Variants in IGFBP5 observed in about 807,000 individuals in gnomAD.
IGFBP5 encodes insulin-like growth factor-binding protein 5.
In IGFBP5, 12 loss-of-function variants were observed where a neutral mutation model predicts 28.0. The observed-to-expected ratio is 0.43, with a 90% CI of 0.27 to 0.69. IGFBP5 has a LOEUF of 0.69. IGFBP5 is among the 30% of genes least tolerant of loss of function. The probability of loss-of-function intolerance (pLI) is 0.20; values close to 1 mark genes in which losing one functional copy is unlikely to be tolerated. For missense variants in IGFBP5, 344 were observed against 381.6 expected, an observed-to-expected ratio of 0.90 and a Z score of 0.82; for synonymous variants, 152 against 150.2, an observed-to-expected ratio of 1.01 and a Z score of -0.09.
chr2:216,677,511 C>T (rs1473499845), intron 3 of IGFBP5, among the ~76,000 whole-genome samples: 1 of 152,196 alleles, frequency 6.6e-6, no homozygotes, highest in Non-Finnish European at 1.5e-5. Context: ...TGGTGAGTAA[C>T]AGGACACAGC....
At chr2:216,693,686 C>G (rs1400334543) in intron 1 of IGFBP5, among the ~76,000 whole-genome samples, 1 of 152,096 alleles carries the variant, frequency 6.6e-6, no homozygotes, top group Non-Finnish European at 1.5e-5. Context: ...TTCCCCACCC[C>G]CACCCCGCAC....
intron 1 of IGFBP5, among the ~76,000 whole-genome samples, chr2:216,681,042 A>T (rs1688972378): frequency 6.6e-6 from 1 of 152,134 alleles, no homozygotes; most frequent in African/African-American, 2.4e-5. Flanking sequence ...TGAGATTGGC[A>T]GGAGGAAGGG....
rs78857496 is a variant in IGFBP5 at position 216,679,129 on chromosome 2, C to T, written c.338-50G>A. The stretch of plus-strand genomic sequence containing the variant: ...CAGCCCCCGTGGGCCAAGGTGCACA[C>T]GGCCAGAGCCCAGGGCTGGGCAGTT... On this transcript the variant is annotated intron_variant, in intron 1 of 3. Coordinates refer to ENST00000233813, the MANE Select transcript of IGFBP5 (RefSeq NM_000599.4). This position sits in a 1 kb window ranked among gnomAD's most constrained non-coding sequence, Gnocchi z 4.6. The T allele has an allele frequency of 2.6e-4, 389 of 1,500,294 alleles. No homozygotes were observed. The African/African-American group carries it at 4.1e-3, about 16-fold the overall frequency. The allele number at this position is 1,500,294 out of a possible 1,614,324, so 92.9% of individuals were successfully genotyped here. A position where few individuals can be genotyped will look rare whatever the true frequency, so the allele number is the denominator to read the frequency against.
At chr2:216,690,393 C>G (rs1320426877) in intron 1 of IGFBP5, among the ~76,000 whole-genome samples, 1 of 152,198 alleles carries the variant, frequency 6.6e-6, no homozygotes, top group East Asian at 1.9e-4. Context: ...GTGGTGATCT[C>G]TTCTCCAGAG....
intron 1 of IGFBP5, among the ~76,000 whole-genome samples, chr2:216,690,782 G>GA (rs1181815613): frequency 6.6e-6 from 1 of 151,580 alleles, no homozygotes; most frequent in African/African-American, 2.4e-5. Context: ...GGAGGGGTGA[G>GA]AAAGGGGAAA....
chr2:216,693,025 A>G (rs1166790058), intron 1 of IGFBP5, among the ~76,000 whole-genome samples: 1 of 152,154 alleles, frequency 6.6e-6, no homozygotes, highest in South Asian at 2.1e-4. Context: ...TTGCCCCCGT[A>G]ACTAAACTGT....
Position 216,694,892 on chromosome 2 carries a change from TG to T in IGFBP5, c.-118del. On this transcript the variant is annotated 5_prime_UTR_variant, in exon 1 of 4. Transcript: ENST00000233813. This position sits in a 1 kb window ranked among gnomAD's most constrained non-coding sequence, Gnocchi z 5.2. ...GTTTTTGTTTTTGTTTTAAAATTTC[TG>T]GCAGGTAGAGCAGGTGCCCTCCCCC... is the stretch of plus-strand genomic sequence containing the variant. The T allele has an allele frequency of 1.4e-6, 1 of 731,970 alleles. No homozygotes were observed. The highest frequency in any genetic ancestry group is 1.9e-6 in the Non-Finnish European group (1 of 516,802). The allele number at this position is 731,970 out of a possible 1,614,324, so 45.3% of individuals were successfully genotyped here. A position where few individuals can be genotyped will look rare whatever the true frequency, so the allele number is the denominator to read the frequency against.
At chr2:216,678,303 C>T in intron 2 of IGFBP5, 72 bp from the exon 3 acceptor site, 1 of 1,416,200 alleles carries the variant, frequency 7.1e-7, no homozygotes, top group Non-Finnish European at 9.3e-7. Context: ...ACGAATGGCC[C>T]AGGGGGTGGG....
intron 1 of IGFBP5, among the ~76,000 whole-genome samples, chr2:216,680,909 A>C (rs1688971051): frequency 6.6e-6 from 1 of 152,138 alleles, no homozygotes. Flanking sequence ...CTGCTCTATC[A>C]GACCCTGCTG....
At chr2:216,689,047 T>C (rs1157854227) in intron 1 of IGFBP5, among the ~76,000 whole-genome samples, 2 of 152,204 alleles carry the variant, frequency 1.3e-5, no homozygotes, top group African/African-American at 4.8e-5. Context: ...TGGTGGTATA[T>C]GGTTTTCCTT....
At position 216,673,303 on chromosome 2, in the gene IGFBP5, A is replaced by T. The variant is rs1360613370; in HGVS notation, c.*3448T>A. 1 of 152,770 alleles carries T rather than the reference A, an allele frequency of 6.5e-6. No homozygotes were observed. 9.5% of individuals were successfully genotyped at this position (152,770 alleles called of 1,614,324 possible). ...GGTGGGAGAGAAGGGGCATGATCAGAAAAGGGCCTCCCTGGACCTCGTGCG... is the reference window on the plus strand; with the variant it reads ...GGTGGGAGAGAAGGGGCATGATCAGTAAAGGGCCTCCCTGGACCTCGTGCG... On this transcript the variant is annotated 3_prime_UTR_variant, in exon 4 of 4. Transcript: ENST00000233813. The surrounding 1 kb of genome is among the most constrained non-coding windows in gnomAD (Gnocchi z 4.3).
chr2:216,689,156 T>TCAG (rs1336498399), intron 1 of IGFBP5, among the ~76,000 whole-genome samples: 8 of 152,170 alleles, frequency 5.3e-5, no homozygotes, highest in African/African-American at 1.9e-4. Context: ...GTGAGGACTG[T>TCAG]GCTGTTGGAA....
Position 216,672,402 on chromosome 2 carries a change from T to C in IGFBP5, c.*4349A>G, listed in dbSNP as rs1373666408. The C allele has an allele frequency of 6.6e-6, 1 of 151,342 alleles. No homozygotes were observed. The highest frequency in any genetic ancestry group is 1.9e-4 in the East Asian group (1 of 5,180). 9.4% of individuals were successfully genotyped at this position (151,342 alleles called of 1,614,324 possible). A position where few individuals can be genotyped will look rare whatever the true frequency, so the allele number is the denominator to read the frequency against. The stretch of plus-strand genomic sequence containing the variant: ...TTTTCACCAGTAAAGATTATCATCG[T>C]TTATTTTTGTTTTTAAAGTTGAAAA... On this transcript the variant is annotated 3_prime_UTR_variant, in exon 4 of 4. Coordinates refer to ENST00000233813, the MANE Select transcript of IGFBP5 (RefSeq NM_000599.4).
rs1227632466 is a variant in IGFBP5 at position 216,692,476 on chromosome 2, T to C, written c.337+1963A>G. Among the ~76,000 whole-genome samples the C allele has an allele frequency of 6.6e-6, 1 of 151,716 alleles. No homozygotes were observed. Among genetic ancestry groups the C allele is most frequent in the African/African-American group, 2.4e-5 (1 of 41,312 alleles). On this transcript the variant is annotated intron_variant, in intron 1 of 3. Coordinates refer to ENST00000233813, the MANE Select transcript of IGFBP5 (RefSeq NM_000599.4). This position sits in a 1 kb window ranked among gnomAD's most constrained non-coding sequence, Gnocchi z 4.2. ...GTGTACACCCTTCACACTAGCCACA[T>C]CACACTACACGCTTGGTAAATAATA...
chr2:216,684,234 G>A (rs1689010438), intron 1 of IGFBP5, among the ~76,000 whole-genome samples: 1 of 152,190 alleles, frequency 6.6e-6, no homozygotes. Context: ...AGTCTGAAGG[G>A]TTCTGACTCC....
rs1212199361 is a variant in IGFBP5, at chr2:216,694,626, C to T, written c.150G>A (p.Glu50=). The T allele has an allele frequency of 1.3e-6, 2 of 1,536,234 alleles. No homozygotes were observed. Among genetic ancestry groups the T allele is most frequent in the South Asian group, 2.5e-5 (2 of 81,148 alleles). The change falls in exon 1 of 4, where the codon GAG becomes GAA. Residue 50 remains glutamate (E), a synonymous_variant. Coordinates refer to ENST00000233813, the MANE Select transcript of IGFBP5 (RefSeq NM_000599.4). This position sits in a 1 kb window ranked among gnomAD's most constrained non-coding sequence, Gnocchi z 5.2. The stretch of plus-strand genomic sequence containing the variant: ...AGGTCATGCAGCAGCCGCAGCCCGG[C>T]TCCTTGACCAGCTCGCAGCCCAGGG... ...PSPLGCELVK[E]PGCGCCMTCA...
rs569626795 is a variant in IGFBP5 at position 216,677,077 on chromosome 2, C to A, written c.688-195G>T. Among the ~76,000 whole-genome samples, 4 of 152,090 alleles carry A rather than the reference C, an allele frequency of 2.6e-5. No homozygotes were observed. In the East Asian group the frequency reaches 7.7e-4, roughly 29 times the overall value. The stretch of plus-strand genomic sequence containing the variant: ...GAAAATGTGAATTTAGGCAGCCTAC[C>A]CTTGGCAAGCTCCTTCAATCCCTTT... On this transcript the variant is annotated intron_variant, in intron 3 of 3. Coordinates refer to ENST00000233813, the MANE Select transcript of IGFBP5 (RefSeq NM_000599.4).
chr2:216,694,413 C>A lies in IGFBP5; in HGVS notation c.337+26G>T. On this transcript the variant is annotated intron_variant, in intron 1 of 3. Coordinates refer to ENST00000233813, the MANE Select transcript of IGFBP5 (RefSeq NM_000599.4). The surrounding 1 kb of genome is among the most constrained non-coding windows in gnomAD (Gnocchi z 5.2). ...TGTCCCCCGCCCGTGCGCCGCGTAA[C>A]TGACTGGCACACTGAGCGCGCTCAC... 1 of 1,471,208 alleles carries A rather than the reference C, an allele frequency of 6.8e-7. No individual in the cohort carries two copies. The highest frequency in any genetic ancestry group is 1.4e-5 in the South Asian group (1 of 73,726). 91.1% of individuals were successfully genotyped at this position (1,471,208 alleles called of 1,614,324 possible). A position where few individuals can be genotyped will look rare whatever the true frequency, so the allele number is the denominator to read the frequency against.
intron 1 of IGFBP5, among the ~76,000 whole-genome samples, chr2:216,690,953 G>A (rs549381380): frequency 6.6e-6 from 1 of 151,616 alleles, no homozygotes; most frequent in Non-Finnish European, 1.5e-5. Flanking sequence ...GCCCCATCTC[G>A]TTTTCCCAAC....
Sources: allele counts gnomAD v4.1 joint callset (sites outside exome capture counted in the v4.1 genomes callset), GRCh38; gene constraint gnomAD v4.1.1; non-coding constraint Gnocchi (gnomAD v3.1); transcripts MANE v1.5; gene names NCBI Gene and HGNC (gene_info 2026-07-23, HGNC 2026-07-21).